CCDC6: variants seen among roughly 807,000 people sequenced by gnomAD.
The protein encoded by CCDC6 is coiled-coil domain containing 6.
CCDC6 carries 20 observed loss-of-function variants against 56.6 expected under a neutral mutation model. The ratio of observed to expected loss-of-function variants is 0.35; its 90% CI spans 0.25 to 0.51. The LOEUF is 0.51. CCDC6 is among the 20% of genes least tolerant of loss of function. CCDC6 has a pLI of 0.95. For synonymous variants in CCDC6, 241 were observed against 234.4 expected (o/e 1.03, Z -0.26); for missense variants, 367 against 601.1 (o/e 0.61, Z 4.07).
At chr10:59,905,141 G>A (rs192522741) in intron 1 of CCDC6, among the ~76,000 whole-genome samples, 1 of 152,278 alleles carries the variant, frequency 6.6e-6, no homozygotes, top group Admixed American at 6.5e-5. Flanking sequence ...ATGATGTGGT[G>A]AGCTGGCAGG....
At chr10:59,832,480 G>A (rs747469153) in intron 3 of CCDC6, 45 bp downstream of exon 3, 3 of 1,570,268 alleles carry the variant, frequency 1.9e-6, no homozygotes, top group Non-Finnish European at 2.6e-6. Flanking sequence ...AGAACAAGCT[G>A]AGAACGAGAA....
chr10:59,851,305 ATCT>A (rs1051725804), intron 2 of CCDC6, among the ~76,000 whole-genome samples: 2 of 152,152 alleles, frequency 1.3e-5, no homozygotes, highest in Non-Finnish European at 2.9e-5. Context: ...GGTCAAACTA[ATCT>A]TCTCCATCCA....
intron 1 of CCDC6, among the ~76,000 whole-genome samples, chr10:59,897,974 C>A: frequency 6.6e-6 from 1 of 152,210 alleles, no homozygotes. Flanking sequence ...TGGACACACA[C>A]CTGGCACCAC....
chr10:59,800,359 T>C (rs1335177324), intron 7 of CCDC6, among the ~76,000 whole-genome samples: 1 of 152,224 alleles, frequency 6.6e-6, no homozygotes, highest in Non-Finnish European at 1.5e-5. Context: ...CTGTTCTCTA[T>C]AATTTTGTCA....
chr10:59,865,852 C>CAAAAAAAAAAAAAAAAAAAA (rs777021321), intron 1 of CCDC6, among the ~76,000 whole-genome samples: 24 of 57,034 alleles, frequency 4.2e-4, no homozygotes, highest in African/African-American at 1.7e-3. Flanking sequence ...TCCATCTCCA[C>CAAAAAAAAAAAAAAAAAAAA]AAAAAAAAAA....
chr10:59,807,525 C>T (rs909532271), intron 5 of CCDC6, among the ~76,000 whole-genome samples: 1 of 152,158 alleles, frequency 6.6e-6, no homozygotes, highest in Admixed American at 6.5e-5. Context: ...CTTTCTCATT[C>T]TCCCACACAT....
At chr10:59,884,596 G>A (rs1169876437) in intron 1 of CCDC6, among the ~76,000 whole-genome samples, 3 of 152,128 alleles carry the variant, frequency 2.0e-5, no homozygotes, top group South Asian at 4.1e-4. Context: ...TGAAAAGAAT[G>A]GGGCAATTCT....
chr10:59,800,091 T>C (rs376800954), intron 7 of CCDC6, among the ~76,000 whole-genome samples: 103 of 152,364 alleles, frequency 6.8e-4, no homozygotes, highest in African/African-American at 2.4e-3. Context: ...TGAAATAGTT[T>C]ACAATTCACA....
chr10:59,815,602 G>C (rs1589038722), intron 3 of CCDC6, among the ~76,000 whole-genome samples: 2 of 152,138 alleles, frequency 1.3e-5, no homozygotes, highest in Admixed American at 6.5e-5. Context: ...GCTGGTAAGA[G>C]AGACTGAAAG....
At chr10:59,862,500 A>ATTAT (rs1311584688) in intron 1 of CCDC6, among the ~76,000 whole-genome samples, 2 of 99,284 alleles carry the variant, frequency 2.0e-5, no homozygotes, top group Admixed American at 9.9e-5. Context: ...GAAAAAAAAA[A>ATTAT]GTATATATAT....
intron 3 of CCDC6, among the ~76,000 whole-genome samples, chr10:59,819,487 C>T (rs2070734998): frequency 6.6e-6 from 1 of 152,166 alleles, no homozygotes; most frequent in African/African-American, 2.4e-5. Context: ...CCCACCACTT[C>T]CTGCCCACCT....
At chr10:59,847,088 T>A (rs1404537694) in intron 2 of CCDC6, among the ~76,000 whole-genome samples, 1 of 152,036 alleles carries the variant, frequency 6.6e-6, no homozygotes, top group Non-Finnish European at 1.5e-5. Context: ...AGTCTCGCTC[T>A]GTCTCCCAGG....
chr10:59,842,750 ATT>A (rs3043541), intron 2 of CCDC6, among the ~76,000 whole-genome samples: 9,492 of 115,542 alleles, frequency 0.082, 583 homozygotes, highest in African/African-American at 0.27. Flanking sequence ...ATGGAAGACA[ATT>A]TTTTTTTTTT....
At chr10:59,864,734 T>C (rs2071162740) in intron 1 of CCDC6, among the ~76,000 whole-genome samples, 1 of 152,038 alleles carries the variant, frequency 6.6e-6, no homozygotes, top group African/African-American at 2.4e-5. Context: ...AGGGGGAGGT[T>C]CAGCTGAGAC....
At chr10:59,865,235 T>A (rs996005984) in intron 1 of CCDC6, among the ~76,000 whole-genome samples, 1 of 152,192 alleles carries the variant, frequency 6.6e-6, no homozygotes, top group African/African-American at 2.4e-5. Flanking sequence ...CAGCTATACA[T>A]GCTTGGAAAA....
intron 4 of CCDC6, among the ~76,000 whole-genome samples, chr10:59,813,687 G>T (rs1393793346): frequency 2.0e-5 from 3 of 152,042 alleles, no homozygotes; most frequent in African/African-American, 7.2e-5. Context: ...TATTATAATG[G>T]TCCCTGCATT....
At chr10:59,811,184 T>C (rs1428885947) in intron 5 of CCDC6, among the ~76,000 whole-genome samples, 5 of 152,118 alleles carry the variant, frequency 3.3e-5, no homozygotes, top group Admixed American at 3.3e-4. Flanking sequence ...TTGTGGTAAT[T>C]TGTAATAGCA....
intron 1 of CCDC6, among the ~76,000 whole-genome samples, chr10:59,856,747 T>C (rs1367173715): frequency 6.6e-6 from 1 of 152,134 alleles, no homozygotes; most frequent in Non-Finnish European, 1.5e-5. Context: ...ATATTTCCTT[T>C]TTACCTAAAA....
intron 4 of CCDC6, among the ~76,000 whole-genome samples, chr10:59,814,297 T>C (rs2070695400): frequency 6.6e-6 from 1 of 152,176 alleles, no homozygotes; most frequent in Admixed American, 6.6e-5. Flanking sequence ...GTATACCCTA[T>C]GTACTTTACA....
Sources: gnomAD v4.1 joint callset for allele counts (sites outside exome capture counted in the v4.1 genomes callset) on GRCh38, gnomAD v4.1.1 for gene constraint, MANE v1.5 for transcripts, NCBI Gene and HGNC (gene_info 2026-07-23, HGNC 2026-07-21) for gene names.